RAP1GDS1: variants seen among roughly 807,000 people sequenced by gnomAD.
RAP1GDS1 encodes the protein RAP1, GTP-GDP dissociation stimulator 1.
RAP1GDS1 carries 35 observed loss-of-function variants against 71.1 expected under a neutral mutation model. The ratio of observed to expected loss-of-function variants is 0.49; its 90% CI spans 0.38 to 0.65. The LOEUF is 0.65. Ranked by LOEUF, RAP1GDS1 falls within the 30% of genes least tolerant of loss-of-function variation. RAP1GDS1 has a pLI of 0.00. For synonymous variants in RAP1GDS1, 229 were observed against 243.1 expected, an observed-to-expected ratio of 0.94 and a Z score of 0.54; for missense variants, 663 against 706.1, an observed-to-expected ratio of 0.94 and a Z score of 0.69.
At chr4:98,376,028 G>A (rs1469480508) in intron 4 of RAP1GDS1, among the ~76,000 whole-genome samples, 1 of 151,992 alleles carries the variant, frequency 6.6e-6, no homozygotes, top group Non-Finnish European at 1.5e-5. Flanking sequence ...TTACAGAAGG[G>A]TAATGGAAGT....
chr4:98,415,903 A>G (rs903752796), intron 7 of RAP1GDS1, among the ~76,000 whole-genome samples: 2 of 152,180 alleles, frequency 1.3e-5, no homozygotes, highest in Non-Finnish European at 2.9e-5. Context: ...TTTTAAAAAC[A>G]CGACTTTATT....
At chr4:98,417,152 T>C (rs1252254099) in intron 8 of RAP1GDS1, among the ~76,000 whole-genome samples, 1 of 152,194 alleles carries the variant, frequency 6.6e-6, no homozygotes, top group Non-Finnish European at 1.5e-5. Flanking sequence ...AAAGAAAAGC[T>C]AGATGGCTCC....
At chr4:98,313,000 T>A (rs1332529270) in intron 2 of RAP1GDS1, among the ~76,000 whole-genome samples, 1 of 117,668 alleles carries the variant, frequency 8.5e-6, no homozygotes, top group African/African-American at 3.4e-5. Context: ...ACTTGGGAGG[T>A]GGAACTTGCA....
At chr4:98,343,446 C>A in intron 3 of RAP1GDS1, 185 bp downstream of exon 3, 1 of 659,746 alleles carries the variant, frequency 1.5e-6, no homozygotes, top group Non-Finnish European at 2.5e-6. Flanking sequence ...TCATACCTGT[C>A]CCATCTGATA....
intron 3 of RAP1GDS1, among the ~76,000 whole-genome samples, chr4:98,346,395 G>A (rs1736259391): frequency 6.6e-6 from 1 of 151,916 alleles, no homozygotes; most frequent in Admixed American, 6.6e-5. Context: ...GGTACATGTA[G>A]TACATGTTTA....
chr4:98,431,490 A>C (rs72688430), intron 12 of RAP1GDS1, among the ~76,000 whole-genome samples: 1 of 152,348 alleles, frequency 6.6e-6, no homozygotes, highest in Non-Finnish European at 1.5e-5. Context: ...ATATACCAAA[A>C]TTTAGCTTTC....
chr4:98,431,040 A>G (rs565230447), intron 12 of RAP1GDS1, among the ~76,000 whole-genome samples: 1 of 152,318 alleles, frequency 6.6e-6, no homozygotes, highest in Admixed American at 6.5e-5. Flanking sequence ...AGACATCAAA[A>G]ATGTAAAGAG....
chr4:98,275,280 A>T (rs1724045629), intron 1 of RAP1GDS1, among the ~76,000 whole-genome samples: 1 of 152,172 alleles, frequency 6.6e-6, no homozygotes, highest in South Asian at 2.1e-4. Flanking sequence ...GGAAGATCAA[A>T]TGTGGTATAA....
chr4:98,312,348 T>C (rs1485112443), intron 2 of RAP1GDS1, among the ~76,000 whole-genome samples: 3 of 152,284 alleles, frequency 2.0e-5, no homozygotes, highest in South Asian at 4.2e-4. Flanking sequence ...GGAAGACACT[T>C]TTTAATGTTG....
At chr4:98,354,363 A>C (rs1227460100) in intron 4 of RAP1GDS1, among the ~76,000 whole-genome samples, 1 of 152,226 alleles carries the variant, frequency 6.6e-6, no homozygotes, top group African/African-American at 2.4e-5. Flanking sequence ...CGCCCAGCCC[A>C]AAAGTATTCT....
At chr4:98,295,292 G>T (rs1345523160) in intron 2 of RAP1GDS1, among the ~76,000 whole-genome samples, 1 of 152,034 alleles carries the variant, frequency 6.6e-6, no homozygotes, top group Non-Finnish European at 1.5e-5. Context: ...TAACCACAAG[G>T]TATTAAAACA....
intron 12 of RAP1GDS1, among the ~76,000 whole-genome samples, chr4:98,421,971 G>A (rs1223644393): frequency 6.6e-6 from 1 of 151,956 alleles, no homozygotes; most frequent in African/African-American, 2.4e-5. Flanking sequence ...ACTGAGGTGG[G>A]CAGATCATGA....
In RAP1GDS1 at chr4:98,427,769, G is replaced by A. The variant is rs536648005; in HGVS notation, c.1441-6167G>A. The stretch of plus-strand genomic sequence containing the variant: ...CACCGATGGGTAGAATCAATATTGT[G>A]AAAATGACCATACTGCCAAAAGCAA... On this transcript the variant is annotated intron_variant, in intron 12 of 14. Coordinates refer to ENST00000408927, the MANE Select transcript of RAP1GDS1 (RefSeq NM_001100427.2). Among the ~76,000 whole-genome samples the A allele has an allele frequency of 1.0e-3, 155 of 152,224 alleles. 4 individuals are homozygous for A. The South Asian group carries it at 0.031, about 31-fold the overall frequency.
At chr4:98,298,058 A>AG (rs1235102570) in intron 2 of RAP1GDS1, among the ~76,000 whole-genome samples, 2 of 152,180 alleles carry the variant, frequency 1.3e-5, no homozygotes, top group Admixed American at 1.3e-4. Flanking sequence ...ACTAGCCACA[A>AG]CATTCCCATG....
At chr4:98,395,548 T>G (rs1017071758) in intron 6 of RAP1GDS1, among the ~76,000 whole-genome samples, 7 of 152,330 alleles carry the variant, frequency 4.6e-5, no homozygotes, top group Non-Finnish European at 8.8e-5. Flanking sequence ...AATGGTTTAA[T>G]ATTTAATCCA....
intron 5 of RAP1GDS1, among the ~76,000 whole-genome samples, chr4:98,386,341 C>A (rs1036370563): frequency 2.6e-5 from 4 of 151,762 alleles, no homozygotes; most frequent in African/African-American, 9.7e-5. Flanking sequence ...TTTGCTTTGG[C>A]ATTTTTTTGT....
chr4:98,299,369 C>T (rs188273076), intron 2 of RAP1GDS1, among the ~76,000 whole-genome samples: 8 of 152,082 alleles, frequency 5.3e-5, no homozygotes, highest in African/African-American at 1.7e-4. Flanking sequence ...AATAAACATA[C>T]GTGTGCATGT....
intron 1 of RAP1GDS1, among the ~76,000 whole-genome samples, chr4:98,267,710 G>A (rs1437151097): frequency 6.6e-6 from 1 of 152,106 alleles, no homozygotes; most frequent in Non-Finnish European, 1.5e-5. Flanking sequence ...GTATTCCATG[G>A]TATATATGTG....
At chr4:98,382,556 A>G (rs1367675602) in intron 5 of RAP1GDS1, among the ~76,000 whole-genome samples, 4 of 151,506 alleles carry the variant, frequency 2.6e-5, no homozygotes, top group African/African-American at 7.2e-5. Context: ...AAGGAACTCA[A>G]ACCTTTAATT....
Sources: allele counts gnomAD v4.1 joint callset (sites outside exome capture counted in the v4.1 genomes callset), GRCh38; gene constraint gnomAD v4.1.1; transcripts MANE v1.5; gene names NCBI Gene and HGNC (gene_info 2026-07-23, HGNC 2026-07-21).